The following MGAT4C variants were observed in gnomAD, a reference collection of about 807,000 sequenced individuals.
The protein encoded by MGAT4C is alpha-1,3-mannosyl-glycoprotein 4-beta-N-acetylglucosaminyltransferase C.
In MGAT4C, 19 loss-of-function variants were observed where a neutral mutation model predicts 40.1. The observed-to-expected ratio is 0.47, with a 90% CI of 0.33 to 0.70. The LOEUF (loss-of-function observed/expected upper bound fraction) is 0.70. MGAT4C is among the 30% of genes least tolerant of loss of function. The probability of loss-of-function intolerance (pLI) is 0.02; values close to 1 mark genes in which losing one functional copy is unlikely to be tolerated. For synonymous variants in MGAT4C, 181 were observed against 187.1 expected, an observed-to-expected ratio of 0.97 and a Z score of 0.27; for missense variants, 491 against 563.2, an observed-to-expected ratio of 0.87 and a Z score of 1.30.
intron 1 of MGAT4C, among the ~76,000 whole-genome samples, chr12:86,740,663 A>G (rs1015489822): frequency 1.3e-5 from 2 of 151,160 alleles, no homozygotes; most frequent in African/African-American, 4.8e-5. Flanking sequence ...CTCAGAATTC[A>G]CAGGATTTCA....
chr12:86,328,969 G>A (rs1307440176), intron 4 of MGAT4C, among the ~76,000 whole-genome samples: 1 of 151,868 alleles, frequency 6.6e-6, no homozygotes, highest in African/African-American at 2.4e-5. Context: ...GTGGTGTGGT[G>A]GTGGGTGCCT....
chr12:86,779,545 T>C (rs1342802775), intron 1 of MGAT4C, among the ~76,000 whole-genome samples: 1 of 151,742 alleles, frequency 6.6e-6, no homozygotes, highest in East Asian at 1.9e-4. Context: ...GAGGCTGCAG[T>C]GAGCCATGAT....
At chr12:86,527,507 AT>A (rs911306122) in intron 2 of MGAT4C, among the ~76,000 whole-genome samples, 22 of 151,960 alleles carry the variant, frequency 1.4e-4, no homozygotes, top group Admixed American at 9.8e-4. Context: ...AAACTTTAGA[AT>A]TTTTTTTCTA....
At chr12:86,176,958 G>A (rs1213858501) in intron 1 of MGAT4C, among the ~76,000 whole-genome samples, 1 of 151,132 alleles carries the variant, frequency 6.6e-6, no homozygotes, top group Admixed American at 6.6e-5. Flanking sequence ...TTAAAGTTAT[G>A]TAATTTCCCC....
intron 1 of MGAT4C, chr12:86,745,070 G>A (rs1951131847): frequency 6.6e-6 from 1 of 151,486 alleles, no homozygotes; most frequent in Non-Finnish European, 1.5e-5. Context: ...AAATAGTAAG[G>A]CTGTTCACCC....
At chr12:86,780,247 A>C (rs1951814994) in intron 1 of MGAT4C, among the ~76,000 whole-genome samples, 1 of 152,202 alleles carries the variant, frequency 6.6e-6, no homozygotes. Context: ...CAACATTAGA[A>C]ATTTTTTTAT....
intron 2 of MGAT4C, among the ~76,000 whole-genome samples, chr12:86,611,718 ATCTT>A (rs1565882887): frequency 6.6e-6 from 1 of 152,126 alleles, no homozygotes; most frequent in African/African-American, 2.4e-5. Flanking sequence ...ATTTTTCTAA[ATCTT>A]TTTATAACAA....
intron 1 of MGAT4C, among the ~76,000 whole-genome samples, chr12:86,819,794 A>T (rs1263111849): frequency 1.3e-5 from 2 of 150,778 alleles, no homozygotes; most frequent in Non-Finnish European, 3.0e-5. Context: ...ATAATGATTA[A>T]AGTTGCACTA....
At chr12:85,982,630 G>A (rs761896884) in intron 4 of MGAT4C, among the ~76,000 whole-genome samples, 29 of 152,272 alleles carry the variant, frequency 1.9e-4, no homozygotes, top group East Asian at 3.9e-4. Context: ...AAGCTATGGT[G>A]TCTTAGAAAT....
intron 2 of MGAT4C, among the ~76,000 whole-genome samples, chr12:86,500,462 G>A (rs1378440289): frequency 6.6e-6 from 1 of 151,568 alleles, no homozygotes; most frequent in African/African-American, 2.4e-5. Context: ...TAAAAATTAT[G>A]CCAATAATTT....
intron 2 of MGAT4C, among the ~76,000 whole-genome samples, chr12:86,562,124 A>T (rs1056556721): frequency 6.6e-6 from 1 of 152,208 alleles, no homozygotes; most frequent in Non-Finnish European, 1.5e-5. Flanking sequence ...GGACAAAGTG[A>T]TGAAAGAAAA....
intron 4 of MGAT4C, among the ~76,000 whole-genome samples, chr12:86,317,493 G>A (rs1234382293): frequency 6.6e-6 from 1 of 152,078 alleles, no homozygotes; most frequent in Non-Finnish European, 1.5e-5. Context: ...ACATTTATAT[G>A]TGTCAGAAAA....
At chr12:86,770,184 A>T (rs1001141545) in intron 1 of MGAT4C, among the ~76,000 whole-genome samples, 4 of 152,086 alleles carry the variant, frequency 2.6e-5, no homozygotes, top group African/African-American at 9.7e-5. Flanking sequence ...ATGAACAATT[A>T]GGTGGAAAAA....
chr12:86,700,911 A>G (rs1440858890), intron 2 of MGAT4C, among the ~76,000 whole-genome samples: 1 of 152,258 alleles, frequency 6.6e-6, no homozygotes, highest in South Asian at 2.1e-4. Flanking sequence ...AATTTCCTCA[A>G]TCTTGTAGAA....
At chr12:86,562,918 T>C (rs1351598706) in intron 2 of MGAT4C, among the ~76,000 whole-genome samples, 1 of 152,132 alleles carries the variant, frequency 6.6e-6, no homozygotes, top group African/African-American at 2.4e-5. Context: ...TAATAGTTTA[T>C]ATACTTGGTT....
At chr12:86,524,390 T>C (rs974253625) in intron 2 of MGAT4C, among the ~76,000 whole-genome samples, 1 of 152,182 alleles carries the variant, frequency 6.6e-6, no homozygotes, top group Non-Finnish European at 1.5e-5. Flanking sequence ...TTGGAATTGC[T>C]TTCCTCTAAA....
chr12:85,971,140 G>GAT lies in MGAT4C; in HGVS notation c.*8147_*8148dup, dbSNP rs916043989. The GAT allele has an allele frequency of 1.3e-5, 2 of 150,822 alleles. No individual in the cohort carries two copies. The highest frequency in any genetic ancestry group is 6.6e-5 in the Admixed American group (1 of 15,086). 9.3% of individuals were successfully genotyped at this position (150,822 alleles called of 1,614,324 possible). On this transcript the variant is annotated 3_prime_UTR_variant, in exon 5 of 5. Transcript: ENST00000611864. ...TAATTATTCATAAAAAATTAACATT[G>GAT]ATATATATATTCATAAGGATAAAAG...
intron 1 of MGAT4C, among the ~76,000 whole-genome samples, chr12:86,052,013 G>A (rs1892945872): frequency 6.6e-6 from 1 of 151,602 alleles, no homozygotes; most frequent in Non-Finnish European, 1.5e-5. Context: ...TTGGCTAATA[G>A]AAGTATTTTA....
At chr12:86,611,655 A>G (rs1330398645) in intron 2 of MGAT4C, among the ~76,000 whole-genome samples, 1 of 152,128 alleles carries the variant, frequency 6.6e-6, no homozygotes, top group Non-Finnish European at 1.5e-5. Flanking sequence ...ATTTAATCAT[A>G]CTTGGTAAAA....
Sources: allele counts gnomAD v4.1 joint callset (sites outside exome capture counted in the v4.1 genomes callset), GRCh38; gene constraint gnomAD v4.1.1; transcripts MANE v1.5; gene names NCBI Gene and HGNC (gene_info 2026-07-23, HGNC 2026-07-21).